The following ROBO2 variants were observed in gnomAD, a reference collection of about 807,000 sequenced individuals.
ROBO2 encodes the protein roundabout homolog 2.
Under a neutral mutation model 160.8 loss-of-function variants are expected in ROBO2, and 53 were observed. The ratio of observed to expected loss-of-function variants is 0.33; its 90% CI spans 0.26 to 0.41. The LOEUF (loss-of-function observed/expected upper bound fraction) is 0.41. ROBO2 is among the 10% of genes least tolerant of loss of function. ROBO2 has a pLI of 1.00. For missense variants in ROBO2, 1,577 were observed against 1,722.4 expected, an observed-to-expected ratio of 0.92 and a Z score of 1.49; for synonymous variants, 664 against 611.7, an observed-to-expected ratio of 1.09 and a Z score of -1.26.
In ROBO2 at chr3:76,030,529, G is replaced by C. The variant is rs79345689; in HGVS notation, c.109+92927G>C. Among the ~76,000 whole-genome samples, 16 of 152,236 alleles carry C rather than the reference G, an allele frequency of 1.1e-4. No homozygotes were observed. In the East Asian group the frequency reaches 3.1e-3, roughly 29 times the overall value. ...AACATGTAAGTCTTTAATCCATGTTGAATTAGTTTTTGTATAAGGTGTAAG... is the reference window on the plus strand; with the variant it reads ...AACATGTAAGTCTTTAATCCATGTTCAATTAGTTTTTGTATAAGGTGTAAG... On this transcript the variant is annotated intron_variant, in intron 2 of 26. Coordinates refer to the ROBO2 transcript ENST00000487694.
chr3:77,340,525 C>T (rs911912049), intron 2 of ROBO2, among the ~76,000 whole-genome samples: 1 of 152,078 alleles, frequency 6.6e-6, no homozygotes, highest in Admixed American at 6.6e-5. Context: ...AATTTTCTGG[C>T]AAAATAGGGT....
chr3:77,127,309 C>T (rs79690803), intron 2 of ROBO2, among the ~76,000 whole-genome samples: 6,998 of 152,120 alleles, frequency 0.046, 201 homozygotes, highest in East Asian at 0.085. Context: ...TTTAATCTTG[C>T]GCACAGTTGT....
At position 76,552,340 on chromosome 3, in the gene ROBO2, G is replaced by A. The variant is rs139771676; in HGVS notation, c.110-545674G>A. On this transcript the variant is annotated intron_variant, in intron 2 of 26. Coordinates refer to the ROBO2 transcript ENST00000487694. ...ACCATAATTCATGAAGAGAAATCCA[G>A]ATTCAAAGACAATTAGCTAGAATTC... 2.0e-4 allele frequency among the ~76,000 whole-genome samples: 31 copies of A among 152,254 alleles called. No homozygotes were observed. In the East Asian group the frequency reaches 5.0e-3, roughly 25 times the overall value.
At chr3:76,143,334 C>A (rs2071757994) in intron 2 of ROBO2, among the ~76,000 whole-genome samples, 1 of 152,044 alleles carries the variant, frequency 6.6e-6, no homozygotes, top group Non-Finnish European at 1.5e-5. Flanking sequence ...CCTGACTTAG[C>A]TGGGCATTTA....
intron 2 of ROBO2, among the ~76,000 whole-genome samples, chr3:76,879,298 C>T (rs2073100668): frequency 6.6e-6 from 1 of 152,010 alleles, no homozygotes; most frequent in African/African-American, 2.4e-5. Flanking sequence ...TTTGGGTCAC[C>T]TGAGAATCTG....
At chr3:77,612,377 G>A (rs190953012) in intron 21 of ROBO2, among the ~76,000 whole-genome samples, 1 of 152,282 alleles carries the variant, frequency 6.6e-6, no homozygotes, top group Non-Finnish European at 1.5e-5. Context: ...CTAAGTATTT[G>A]TTGCTTGCAA....
At chr3:76,354,990 A>G (rs1024247770) in intron 2 of ROBO2, among the ~76,000 whole-genome samples, 2 of 151,566 alleles carry the variant, frequency 1.3e-5, no homozygotes, top group African/African-American at 4.8e-5. Flanking sequence ...TGAAAGTTCC[A>G]TGCATATATC....
At chr3:76,792,276 T>C (rs575902501) in intron 2 of ROBO2, among the ~76,000 whole-genome samples, 1 of 151,980 alleles carries the variant, frequency 6.6e-6, no homozygotes, top group African/African-American at 2.4e-5. Context: ...CATAGAAATA[T>C]TTGAGAATGT....
At chr3:76,406,070 T>TTA (rs1433252301) in intron 2 of ROBO2, among the ~76,000 whole-genome samples, 2 of 151,734 alleles carry the variant, frequency 1.3e-5, no homozygotes, top group Non-Finnish European at 3.0e-5. Context: ...AAACCAAGAA[T>TTA]TATATTTATT....
intron 2 of ROBO2, among the ~76,000 whole-genome samples, chr3:76,910,595 A>G (rs554025532): frequency 2.0e-5 from 3 of 151,828 alleles, no homozygotes; most frequent in South Asian, 4.2e-4. Context: ...GCGTGGTGGC[A>G]TGCACCTGTA....
At chr3:77,464,121 C>G (rs534054423) in intron 2 of ROBO2, among the ~76,000 whole-genome samples, 2 of 152,236 alleles carry the variant, frequency 1.3e-5, no homozygotes, top group African/African-American at 4.8e-5. Flanking sequence ...TTTAAACCTT[C>G]ATTTTACAGA....
chr3:77,591,109 A>G (rs998553562), intron 17 of ROBO2, among the ~76,000 whole-genome samples: 3 of 152,190 alleles, frequency 2.0e-5, no homozygotes, highest in Non-Finnish European at 4.4e-5. Flanking sequence ...GTGAAATGCT[A>G]AACACTTCAC....
At chr3:77,377,621 C>T (rs1327045737) in intron 2 of ROBO2, among the ~76,000 whole-genome samples, 3 of 152,084 alleles carry the variant, frequency 2.0e-5, no homozygotes, top group Non-Finnish European at 2.9e-5. Context: ...TCCCCAAGAC[C>T]ATATGAAAGA....
intron 2 of ROBO2, among the ~76,000 whole-genome samples, chr3:77,305,125 A>G (rs1365611474): frequency 6.6e-6 from 1 of 152,242 alleles, no homozygotes; most frequent in Non-Finnish European, 1.5e-5. Context: ...AAAGTTGCTC[A>G]ATAAAAGCAG....
chr3:77,050,123 GAGTA>G (rs910212721), intron 1 of ROBO2, among the ~76,000 whole-genome samples: 16 of 152,282 alleles, frequency 1.1e-4, no homozygotes, highest in Non-Finnish European at 2.1e-4. Flanking sequence ...TTCAGGGTTA[GAGTA>G]AATTAGGGGA....
chr3:76,622,264 A>AGG (rs1560252698), intron 2 of ROBO2, among the ~76,000 whole-genome samples: 1 of 74,314 alleles, frequency 1.3e-5, no homozygotes, highest in East Asian at 4.8e-4. Context: ...GAAAGAAAGA[A>AGG]AGAAAGAAAG....
intron 2 of ROBO2, among the ~76,000 whole-genome samples, chr3:76,057,778 TG>T (rs2067905468): frequency 6.7e-6 from 1 of 148,810 alleles, no homozygotes; most frequent in Admixed American, 6.6e-5. Context: ...ACAATTCAAT[TG>T]GTTTTTTTTT....
intron 2 of ROBO2, among the ~76,000 whole-genome samples, chr3:76,624,713 G>A (rs1315464444): frequency 1.4e-5 from 2 of 148,136 alleles, no homozygotes; most frequent in African/African-American, 5.1e-5. Context: ...GAGGAGAATC[G>A]CTTGCACCTG....
chr3:76,505,922 A>T (rs1322063263), intron 2 of ROBO2, among the ~76,000 whole-genome samples: 1 of 152,252 alleles, frequency 6.6e-6, no homozygotes, highest in Non-Finnish European at 1.5e-5. Flanking sequence ...TATATTTTAT[A>T]CACTTACACA....
Sources: allele counts gnomAD v4.1 joint callset (sites outside exome capture counted in the v4.1 genomes callset), GRCh38; gene constraint gnomAD v4.1.1; transcripts MANE v1.5; gene names NCBI Gene and HGNC (gene_info 2026-07-23, HGNC 2026-07-21).